The following TTC23 variants were observed in gnomAD, a reference collection of about 807,000 sequenced individuals.
TTC23 encodes the protein tetratricopeptide repeat protein 23.
TTC23 carries 58 observed loss-of-function variants against 55.1 expected under a neutral mutation model. The ratio of observed to expected loss-of-function variants is 1.05; its 90% CI spans 0.85 to 1.31. TTC23 has a LOEUF of 1.31. TTC23 is among the 50% of genes most tolerant of loss of function. The pLI, the probability that TTC23 is intolerant of heterozygous loss-of-function variation, is 0.00. For missense variants in TTC23, 516 were observed against 534.4 expected (o/e 0.97, Z 0.34); for synonymous variants, 203 against 199.9 (o/e 1.02, Z -0.13).
chr15:99,199,458 TTGTG>T (rs149241257), intron 9 of TTC23, among the ~76,000 whole-genome samples: 4 of 146,046 alleles, frequency 2.7e-5, no homozygotes, highest in Non-Finnish European at 4.5e-5. Context: ...GTGTGTGTGT[TTGTG>T]TGTGTGTGTG....
chr15:99,228,757 A>G (rs1420507280), intron 4 of TTC23, 25 bp from the exon 5 acceptor site: 1 of 1,460,092 alleles, frequency 6.8e-7, no homozygotes, highest in African/African-American at 1.4e-5. Flanking sequence ...AAAAACAAAG[A>G]TGTTAAATGA....
At chr15:99,139,232 A>C (rs543319261) in intron 13 of TTC23, 85 bp downstream of exon 13, 1 of 1,521,838 alleles carries the variant, frequency 6.6e-7, no homozygotes, top group African/African-American at 1.4e-5. Flanking sequence ...AGAAGGTTAC[A>C]CAGAACCTTC....
chr15:99,182,240 TCTCTCTCTCACACACACACACACACA>T (rs2074200886), intron 9 of TTC23, among the ~76,000 whole-genome samples: 1 of 113,042 alleles, frequency 8.8e-6, no homozygotes, highest in Non-Finnish European at 1.8e-5. Context: ...TCTCTCTCTC[TCTCTCTCTCACACACACACACACACA>T]CACACACACA....
intron 12 of TTC23, chr15:99,145,059 G>A (rs1555492371): frequency 1.3e-5 from 2 of 152,220 alleles, no homozygotes; most frequent in South Asian, 2.1e-4. Context: ...CTAACTTGGG[G>A]GAATTGAAGG....
At chr15:99,228,472 C>A in intron 5 of TTC23, 61 bp downstream of exon 5, 5 of 1,409,556 alleles carry the variant, frequency 3.5e-6, no homozygotes, top group South Asian at 1.5e-5. Context: ...TTCTACTTCT[C>A]TTGATTATAC....
chr15:99,242,330 CA>C (rs1240182795), intron 2 of TTC23, among the ~76,000 whole-genome samples: 3 of 151,698 alleles, frequency 2.0e-5, no homozygotes, highest in Non-Finnish European at 4.4e-5. Context: ...AGATCTATAA[CA>C]AGTAAAAAAA....
intron 9 of TTC23, 110 bp from the exon 10 acceptor site, chr15:99,175,265 T>C (rs1263512056): frequency 2.4e-6 from 2 of 827,050 alleles, no homozygotes; most frequent in African/African-American, 3.5e-5. Context: ...TCCAGCAAGC[T>C]AGAAGAAATG....
chr15:99,163,232 G>C (rs1040119309), intron 10 of TTC23, among the ~76,000 whole-genome samples: 5 of 152,172 alleles, frequency 3.3e-5, no homozygotes, highest in African/African-American at 1.2e-4. Flanking sequence ...CATATTTATG[G>C]AAAGCATGAC....
intron 8 of TTC23, among the ~76,000 whole-genome samples, chr15:99,215,718 G>T (rs1040951053): frequency 6.6e-6 from 1 of 151,940 alleles, no homozygotes; most frequent in African/African-American, 2.4e-5. Context: ...CTGTACTCCA[G>T]TCTGGGCAAC....
intron 9 of TTC23, among the ~76,000 whole-genome samples, chr15:99,186,685 T>A (rs1252816641): frequency 1.3e-5 from 2 of 152,122 alleles, no homozygotes; most frequent in Non-Finnish European, 2.9e-5. Flanking sequence ...AATGAAATTT[T>A]AAAAACTTCC....
At chr15:99,147,374 C>G (rs112415918) in intron 12 of TTC23, among the ~76,000 whole-genome samples, 3 of 151,920 alleles carry the variant, frequency 2.0e-5, no homozygotes, top group Admixed American at 2.0e-4. Flanking sequence ...TACAGGCGCC[C>G]GCCACCACAC....
rs1555488970 is a variant in TTC23 at position 99,139,399 on chromosome 15, A to G, written c.1144T>C (p.Cys382Arg). The G allele has an allele frequency of 6.2e-7, 1 of 1,614,042 alleles. No homozygotes were observed. Among genetic ancestry groups the G allele is most frequent in the East Asian group, 2.2e-5 (1 of 44,900 alleles). Residue 382 changes from cysteine to arginine, a missense_variant and splice_region_variant, in exon 13 of 14, where the codon TGT (cysteine) becomes CGT (arginine). Physicochemically the swap from Cys to Arg is radical, Grantham distance 180 (BLOSUM62 -3). Transcript: ENST00000394132. Reference protein sequence around the residue: ...HSGARKKLKKCLQIQTLLYGP... With the variant: ...HSGARKKLKKRLQIQTLLYGP... ...TATAAGAGGGTCTGGATCTGGAGAC[A>G]CTGTAGAACACCAAGCAGCTATCAT...
At chr15:99,184,815 A>T (rs959179134) in intron 9 of TTC23, among the ~76,000 whole-genome samples, 1 of 152,274 alleles carries the variant, frequency 6.6e-6, no homozygotes, top group Non-Finnish European at 1.5e-5. Flanking sequence ...AGGCAAAATG[A>T]TATGGTTTGG....
At chr15:99,251,201 A>C (rs887395811), upstream of TTC23, 2 of 152,356 alleles carry the variant, frequency 1.3e-5, no homozygotes, top group Non-Finnish European at 2.9e-5. Flanking sequence ...ATCAAACCCC[A>C]CGCCGGAGCC....
In TTC23 at chr15:99,164,517, C is replaced by T. The variant is rs1163277270; in HGVS notation, c.866-2650G>A. 4.6e-5 allele frequency among the ~76,000 whole-genome samples: 7 copies of T among 152,236 alleles called. No homozygotes were observed. The South Asian group carries it at 8.3e-4, about 18-fold the overall frequency. ...AAGTCTGTTGGGGAAGATCATGACC[C>T]GTATATACAGTGGTCTACTTGACAT... On this transcript the variant is annotated intron_variant, in intron 10 of 13. Coordinates refer to ENST00000394132, the MANE Select transcript of TTC23 (RefSeq NM_001288615.3).
chr15:99,180,416 T>G (rs972665595), intron 9 of TTC23, among the ~76,000 whole-genome samples: 1 of 151,912 alleles, frequency 6.6e-6, no homozygotes, highest in African/African-American at 2.4e-5. Context: ...GAGCAGCTGT[T>G]CCATCCTGGT....
intron 9 of TTC23, among the ~76,000 whole-genome samples, chr15:99,189,361 A>G (rs2075030732): frequency 6.6e-6 from 1 of 152,242 alleles, no homozygotes; most frequent in Non-Finnish European, 1.5e-5. Context: ...TGACTGGTTC[A>G]GGAAAGATTC....
At chr15:99,202,394 A>T (rs1322412819) in intron 8 of TTC23, among the ~76,000 whole-genome samples, 1 of 152,202 alleles carries the variant, frequency 6.6e-6, no homozygotes, top group African/African-American at 2.4e-5. Context: ...CACAGAAGAG[A>T]AATGAAGGAA....
chr15:99,140,850 A>G (rs959836988), intron 12 of TTC23: 1 of 152,256 alleles, frequency 6.6e-6, no homozygotes. Flanking sequence ...CACAGAAATG[A>G]GAAAGGTTTA....
Sources: allele counts gnomAD v4.1 joint callset (sites outside exome capture counted in the v4.1 genomes callset), GRCh38; gene constraint gnomAD v4.1.1; transcripts MANE v1.5; gene names NCBI Gene and HGNC (gene_info 2026-07-23, HGNC 2026-07-21).